Variants in RTL4 observed in about 807,000 individuals in gnomAD.
RTL4 encodes the protein retrotransposon Gag like 4, also known as retrotransposon Gag-like protein 4.
In RTL4, 4 loss-of-function variants were observed where a neutral mutation model predicts 5.3. The observed-to-expected ratio is 0.75, with a 90% CI of 0.37 to 1.72. RTL4 has a LOEUF of 1.72. Among genes scored for constraint, RTL4 ranks in the 40% most tolerant of loss-of-function variants. The probability of loss-of-function intolerance (pLI) is 0.04; values close to 1 mark genes in which losing one functional copy is unlikely to be tolerated. For synonymous variants in RTL4, 98 were observed against 87.3 expected (o/e 1.12, Z -0.68); for missense variants, 260 against 227.1 (o/e 1.14, Z -0.93).
chrX:112,153,288 C>CATA, the RTL4 span, among the ~76,000 whole-genome samples: 1 of 111,612 alleles, frequency 9.0e-6, no homozygotes, highest in Non-Finnish European at 1.9e-5. Context: ...AATAGTCATT[C>CATA]ATAGTAGATT....
At chrX:112,248,245 T>C in the RTL4 span, among the ~76,000 whole-genome samples, 7 of 112,380 alleles carry the variant, frequency 6.2e-5, no homozygotes, top group Non-Finnish European at 1.1e-4. Flanking sequence ...TTTAAAAAAA[T>C]CTACTTTTCT....
At chrX:112,445,995 G>C in the RTL4 span, among the ~76,000 whole-genome samples, 1 of 111,522 alleles carries the variant, frequency 9.0e-6, no homozygotes, top group African/African-American at 3.3e-5. Flanking sequence ...CAATGAAAAG[G>C]AAGAGTTCTA....
exon 1 of RTL4, chrX:112,454,592 G>A (rs917615052): frequency 7.1e-6 from 4 of 564,077 alleles, no homozygotes; most frequent in African/African-American, 6.9e-5. Context: ...ATCTCCTAGT[G>A]TCTTCTTCAC....
the RTL4 span, among the ~76,000 whole-genome samples, chrX:112,324,900 G>A: frequency 9.0e-6 from 1 of 111,111 alleles, no homozygotes; most frequent in African/African-American, 3.3e-5. Context: ...TTCTATTTTT[G>A]TTGTTGTTGA....
chrX:112,219,133 G>C, the RTL4 span, among the ~76,000 whole-genome samples: 2 of 111,525 alleles, frequency 1.8e-5, no homozygotes, highest in East Asian at 5.7e-4. Flanking sequence ...CCAAAATGGT[G>C]ATATCTTAAC....
At chrX:112,320,808 A>AC in the RTL4 span, among the ~76,000 whole-genome samples, 2 of 110,807 alleles carry the variant, frequency 1.8e-5, no homozygotes, top group Non-Finnish European at 3.8e-5. Flanking sequence ...TTTCTTACCC[A>AC]CCCCCCACAT....
chrX:112,320,714 G>C, the RTL4 span, among the ~76,000 whole-genome samples: 1 of 111,368 alleles, frequency 9.0e-6, no homozygotes, highest in African/African-American at 3.3e-5. Context: ...TCTAACTACA[G>C]TTAATAAGTC....
At chrX:112,294,014 T>C in the RTL4 span, among the ~76,000 whole-genome samples, 2 of 112,150 alleles carry the variant, frequency 1.8e-5, no homozygotes, top group Non-Finnish European at 3.8e-5. Context: ...AGCTGTTCTT[T>C]ATAAATAAAA....
At chrX:112,180,067 T>C in the RTL4 span, among the ~76,000 whole-genome samples, 8 of 111,217 alleles carry the variant, frequency 7.2e-5, no homozygotes, top group African/African-American at 2.3e-4. Context: ...TAAAATGCCT[T>C]GACACTTGGA....
the RTL4 span, among the ~76,000 whole-genome samples, chrX:112,349,793 A>G: frequency 9.8e-6 from 1 of 102,220 alleles, no homozygotes; most frequent in Admixed American, 1.1e-4. Flanking sequence ...TAGATATACA[A>G]TCATGTCATC....
At chrX:112,176,072 T>C in the RTL4 span, among the ~76,000 whole-genome samples, 4,997 of 110,159 alleles carry the variant, frequency 0.045, 313 homozygotes, top group African/African-American at 0.16. Flanking sequence ...ACGAGCATTC[T>C]TATACACCAA....
the RTL4 span, among the ~76,000 whole-genome samples, chrX:112,317,779 G>A: frequency 8.9e-6 from 1 of 111,795 alleles, no homozygotes; most frequent in Non-Finnish European, 1.9e-5. Flanking sequence ...GAGTCACAGA[G>A]GTTAAATAAC....
the RTL4 span, among the ~76,000 whole-genome samples, chrX:112,332,034 G>A: frequency 9.2e-6 from 1 of 108,655 alleles, no homozygotes; most frequent in Non-Finnish European, 1.9e-5. Context: ...GGGAGGGATA[G>A]CATTGGGAGA....
chrX:112,339,338 C>T, the RTL4 span, among the ~76,000 whole-genome samples: 3 of 111,485 alleles, frequency 2.7e-5, no homozygotes, highest in Non-Finnish European at 5.7e-5. Context: ...ATTAGGGTAA[C>T]GTTTGCAAAC....
the RTL4 span, among the ~76,000 whole-genome samples, chrX:112,270,534 T>A: frequency 9.0e-6 from 1 of 111,531 alleles, no homozygotes; most frequent in Non-Finnish European, 1.9e-5. Flanking sequence ...CAGGTAAACT[T>A]TGTTAAGAAA....
chrX:112,161,788 TCTTCCTTCCTTCCTTCCTTCCTTC>T, the RTL4 span, among the ~76,000 whole-genome samples: 372 of 75,485 alleles, frequency 4.9e-3, 6 homozygotes, highest in African/African-American at 0.018. Context: ...AGGTTGCTTT[TCTTCCTTCCTTCCTTCCTTCCTTC>T]CTTCCTTCCT....
chrX:112,319,119 T>C, the RTL4 span, among the ~76,000 whole-genome samples: 6 of 111,873 alleles, frequency 5.4e-5, no homozygotes, highest in Non-Finnish European at 7.5e-5. Flanking sequence ...AAAACTGACG[T>C]TGTAATCAGA....
the RTL4 span, among the ~76,000 whole-genome samples, chrX:112,108,744 G>A: frequency 1.8e-5 from 2 of 111,833 alleles, no homozygotes; most frequent in East Asian, 5.6e-4. Context: ...CACTTGGGCT[G>A]ACATGCTGCT....
At chrX:112,218,091 C>G in the RTL4 span, among the ~76,000 whole-genome samples, 28,499 of 110,833 alleles carry the variant, frequency 0.26, 3,534 homozygotes, top group African/African-American at 0.49. Context: ...GAAACAAAAA[C>G]GGAAGTAGGG....
Sources: allele counts gnomAD v4.1 joint callset (sites outside exome capture counted in the v4.1 genomes callset), GRCh38; gene constraint gnomAD v4.1.1; transcripts MANE v1.5; gene names NCBI Gene and HGNC (gene_info 2026-07-23, HGNC 2026-07-21).